ASIC2: variants seen among roughly 807,000 people sequenced by gnomAD.
ASIC2 encodes acid sensing ion channel subunit 2, also known as acid-sensing ion channel 2.
ASIC2 carries 25 observed loss-of-function variants against 57.3 expected under a neutral mutation model. That is an observed-to-expected ratio of 0.44 (90% CI 0.32 to 0.61). The LOEUF is 0.61. Ranked by LOEUF, ASIC2 falls within the 20% of genes least tolerant of loss-of-function variation. The pLI is 0.06. For synonymous variants in ASIC2, 319 were observed against 307.5 expected (o/e 1.04, Z -0.39); for missense variants, 641 against 738.1 (o/e 0.87, Z 1.52).
intron 1 of ASIC2, among the ~76,000 whole-genome samples, chr17:34,143,945 G>A (rs1169406909): frequency 2.0e-5 from 3 of 151,916 alleles, no homozygotes; most frequent in Non-Finnish European, 2.9e-5. Flanking sequence ...TTCTGTTATA[G>A]CAACACAAAA....
At chr17:33,600,777 C>G (rs1412954281) in intron 1 of ASIC2, among the ~76,000 whole-genome samples, 1 of 152,030 alleles carries the variant, frequency 6.6e-6, no homozygotes, top group Non-Finnish European at 1.5e-5. Context: ...TAGGGAAAGC[C>G]AAAATCTTAG....
chr17:33,454,814 A>G (rs1276896926), intron 1 of ASIC2, among the ~76,000 whole-genome samples: 1 of 152,156 alleles, frequency 6.6e-6, no homozygotes, highest in African/African-American at 2.4e-5. Flanking sequence ...GTTTCCTCAC[A>G]TGGTGGAAGG....
chr17:34,004,133 T>G (rs1906444103), intron 1 of ASIC2: 1 of 152,166 alleles, frequency 6.6e-6, no homozygotes, highest in Non-Finnish European at 1.5e-5. Context: ...TCTCTTATCC[T>G]CAGCCGTGAT....
intron 1 of ASIC2, among the ~76,000 whole-genome samples, chr17:34,143,645 T>C (rs758653115): frequency 6.6e-6 from 1 of 152,220 alleles, no homozygotes; most frequent in Non-Finnish European, 1.5e-5. Flanking sequence ...GCTGATGTCA[T>C]GCATCTTTGG....
intron 1 of ASIC2, among the ~76,000 whole-genome samples, chr17:33,358,072 C>G (rs1237958241): frequency 6.6e-6 from 1 of 152,186 alleles, no homozygotes; most frequent in Admixed American, 6.5e-5. Flanking sequence ...GGTTGGCACA[C>G]TATAGCCCAC....
At chr17:33,603,234 G>A (rs1170910660) in intron 1 of ASIC2, among the ~76,000 whole-genome samples, 1 of 152,238 alleles carries the variant, frequency 6.6e-6, no homozygotes, top group Non-Finnish European at 1.5e-5. Flanking sequence ...CAAGGTGGCA[G>A]TGGTGGTGGT....
At chr17:33,649,181 C>T (rs1346588156) in intron 1 of ASIC2, among the ~76,000 whole-genome samples, 3 of 152,092 alleles carry the variant, frequency 2.0e-5, no homozygotes, top group Non-Finnish European at 2.9e-5. Flanking sequence ...ACAACAAAAC[C>T]GTCTACAACT....
intron 1 of ASIC2, among the ~76,000 whole-genome samples, chr17:34,010,598 A>AAC (rs1906677458): frequency 6.6e-6 from 1 of 152,076 alleles, no homozygotes; most frequent in Non-Finnish European, 1.5e-5. Flanking sequence ...ATGTGATTCT[A>AAC]ACACACACAG....
intron 1 of ASIC2, among the ~76,000 whole-genome samples, chr17:33,748,132 C>G (rs555127787): frequency 1.6e-4 from 24 of 152,332 alleles, no homozygotes; most frequent in African/African-American, 5.8e-4. Flanking sequence ...CTGCAAAGCC[C>G]ACCCTTCTGC....
At chr17:33,725,659 T>G (rs1209631003) in intron 1 of ASIC2, among the ~76,000 whole-genome samples, 1 of 152,100 alleles carries the variant, frequency 6.6e-6, no homozygotes, top group African/African-American at 2.4e-5. Context: ...TCTTCTCTCT[T>G]CTTACCCCAT....
chr17:34,086,096 G>A (rs1367015529), intron 1 of ASIC2, among the ~76,000 whole-genome samples: 1 of 149,120 alleles, frequency 6.7e-6, no homozygotes, highest in Non-Finnish European at 1.5e-5. Flanking sequence ...GAATGTGTTT[G>A]CTCTTGCTTT....
chr17:33,685,940 CG>C (rs1567688753), intron 1 of ASIC2, among the ~76,000 whole-genome samples: 1 of 152,152 alleles, frequency 6.6e-6, no homozygotes, highest in Admixed American at 6.5e-5. Context: ...CTCTCAGTCA[CG>C]GGGGACCGGG....
Position 33,291,636 on chromosome 17 carries a change from C to T in ASIC2, c.480G>A (p.Leu160=), listed in dbSNP as rs750328855. The part of the protein sequence containing the change: ...DLYYAGHWLG[L]LLPNRTARPL... ...GGCGCGCGGTGCGGTTGGGCAGCAG[C>T]AGCCCGAGCCAGTGGCCGGCATAGT... is the stretch of plus-strand genomic sequence containing the variant. The change falls in exon 1 of 10, where the codon CTG becomes CTA. Residue 160 remains leucine, a synonymous_variant. Transcript: ENST00000225823. The T allele has an allele frequency of 9.3e-6, 15 of 1,609,342 alleles. No homozygotes were observed. The East Asian group carries it at 3.1e-4, about 34-fold the overall frequency.
chr17:33,235,882 G>A (rs1050537232), intron 1 of ASIC2, among the ~76,000 whole-genome samples: 2 of 152,060 alleles, frequency 1.3e-5, no homozygotes, highest in Admixed American at 6.6e-5. Context: ...TGTTGCCCAG[G>A]CTGGAGTGCA....
chr17:33,615,679 A>G (rs1051279628), intron 1 of ASIC2, among the ~76,000 whole-genome samples: 2 of 152,190 alleles, frequency 1.3e-5, no homozygotes, highest in Non-Finnish European at 2.9e-5. Context: ...TGCTGCACCT[A>G]TCAACCCATC....
At chr17:33,673,896 T>C (rs1907721183) in intron 1 of ASIC2, among the ~76,000 whole-genome samples, 1 of 150,528 alleles carries the variant, frequency 6.6e-6, no homozygotes, top group Non-Finnish European at 1.5e-5. Context: ...TGCATCCGTG[T>C]CTTTTTTTTT....
intron 1 of ASIC2, among the ~76,000 whole-genome samples, chr17:33,173,753 G>C (rs891398836): frequency 1.3e-5 from 2 of 152,172 alleles, no homozygotes; most frequent in Non-Finnish European, 2.9e-5. Flanking sequence ...TTGGTAAAAG[G>C]CAGAAGAAAC....
chr17:34,147,667 G>A lies in ASIC2; in HGVS notation c.555+8311C>T, dbSNP rs138557997. Among the ~76,000 whole-genome samples, 558 of 152,302 alleles carry A rather than the reference G, an allele frequency of 3.7e-3. 2 individuals carry two copies. Among genetic ancestry groups the A allele is most frequent in the African/African-American group, 0.013 (529 of 41,554 alleles). On this transcript the variant is annotated intron_variant, in intron 1 of 9. Coordinates refer to the ASIC2 transcript ENST00000359872. ...GATATATGGAGTTTCAAACTGGGAGGGGTGATGTAGGCTTGGTCTCAGGTT... is the reference window on the plus strand; with the variant it reads ...GATATATGGAGTTTCAAACTGGGAGAGGTGATGTAGGCTTGGTCTCAGGTT...
At chr17:33,551,980 T>C (rs527632168) in intron 1 of ASIC2, among the ~76,000 whole-genome samples, 2 of 152,134 alleles carry the variant, frequency 1.3e-5, no homozygotes, top group Non-Finnish European at 2.9e-5. Flanking sequence ...TGGGGGAAGA[T>C]TGAGAAACTG....
Sources: gnomAD v4.1 joint callset for allele counts (sites outside exome capture counted in the v4.1 genomes callset) on GRCh38, gnomAD v4.1.1 for gene constraint, MANE v1.5 for transcripts, NCBI Gene and HGNC (gene_info 2026-07-23, HGNC 2026-07-21) for gene names.